Variants in RAI2 observed in about 807,000 individuals in gnomAD.
RAI2 encodes the protein retinoic acid-induced protein 2.
RAI2 carries 5 observed loss-of-function variants against 15.3 expected under a neutral mutation model. That is an observed-to-expected ratio of 0.33 (90% CI 0.17 to 0.69). RAI2 has a LOEUF of 0.69. RAI2 is among the 30% of genes least tolerant of loss of function. RAI2 has a pLI of 0.69. For missense variants in RAI2, 424 were observed against 424.7 expected (o/e 1.00, Z 0.01); for synonymous variants, 191 against 184.0 (o/e 1.04, Z -0.31).
chrX:17,800,917 G>A lies in RAI2; in HGVS notation c.1094C>T (p.Ala365Val), dbSNP rs1213799899. The A allele has an allele frequency of 8.3e-7, 1 of 1,208,953 alleles. No homozygotes were observed. The highest frequency in any genetic ancestry group is 1.1e-6 in the Non-Finnish European group (1 of 894,781). Residue 365 changes from alanine (A) to valine (V), a missense_variant, in exon 2 of 2, where the codon GCA becomes GTA. Physicochemically the swap from Ala to Val is moderately conservative, Grantham distance 64. Transcript: ENST00000451717. ...TGTGTGACCTGAGCTGTCCACTGAT[G>A]CACCACTGTCATACAGTGTCTCAGG... The part of the protein sequence containing the change: ...PPPETLYDSG[A>V]SVDSSGHTVM...
At chrX:17,844,264 T>C (rs965596348) in intron 1 of RAI2, among the ~76,000 whole-genome samples, 2 of 112,564 alleles carry the variant, frequency 1.8e-5, no homozygotes, top group African/African-American at 3.2e-5. Context: ...TGGAGAAAAA[T>C]GTCCTCGTTG....
At chrX:17,830,212 G>A (rs2067267405) in intron 1 of RAI2, among the ~76,000 whole-genome samples, 1 of 112,432 alleles carries the variant, frequency 8.9e-6, no homozygotes, top group African/African-American at 3.2e-5. Context: ...ATAGTGTCTA[G>A]CAAAGTGGCT....
At chrX:17,831,534 T>C (rs766446990) in intron 1 of RAI2, among the ~76,000 whole-genome samples, 1 of 111,920 alleles carries the variant, frequency 8.9e-6, no homozygotes, top group African/African-American at 3.3e-5. Context: ...TACTGAATTA[T>C]TAACCCCAGA....
chrX:17,827,178 T>C (rs1332839742), intron 1 of RAI2, among the ~76,000 whole-genome samples: 1 of 111,755 alleles, frequency 8.9e-6, no homozygotes, highest in Admixed American at 9.5e-5. Context: ...TAGAAGAGCA[T>C]GGCCAGGGCA....
chrX:17,847,263 C>T (rs2067474867), intron 1 of RAI2, among the ~76,000 whole-genome samples: 2 of 112,325 alleles, frequency 1.8e-5, no homozygotes, highest in Admixed American at 1.9e-4. Flanking sequence ...TACTTCGGTT[C>T]TTCCTTGCCT....
chrX:17,829,302 T>C (rs1434336783), intron 1 of RAI2, among the ~76,000 whole-genome samples: 1 of 89,273 alleles, frequency 1.1e-5, no homozygotes, highest in Non-Finnish European at 2.2e-5. Context: ...AAAAAAAAGG[T>C]CTGTAATGGT....
intron 1 of RAI2, among the ~76,000 whole-genome samples, chrX:17,847,057 T>C (rs938821592): frequency 8.9e-6 from 1 of 111,924 alleles, no homozygotes; most frequent in African/African-American, 3.3e-5. Flanking sequence ...TCCACCATGA[T>C]TGTGAGGCCT....
intron 1 of RAI2, among the ~76,000 whole-genome samples, chrX:17,814,437 A>C (rs1297789725): frequency 9.3e-6 from 1 of 107,335 alleles, no homozygotes; most frequent in African/African-American, 3.4e-5. Flanking sequence ...CAGTCTGGGC[A>C]GGAAATGGCA....
chrX:17,800,675 C>A lies in RAI2; in HGVS notation c.1336G>T (p.Ala446Ser). 1 of 1,211,406 alleles carries A rather than the reference C, an allele frequency of 8.3e-7. No homozygotes were observed. The highest frequency in any genetic ancestry group is 3.0e-5 in the East Asian group (1 of 33,833). The change falls in exon 2 of 2, where the codon GCT becomes TCT. Residue 446 changes from alanine to serine, a missense_variant. Physicochemically the swap from Ala to Ser is moderately conservative, Grantham distance 99 (BLOSUM62 1). Coordinates refer to ENST00000451717, the MANE Select transcript of RAI2 (RefSeq NM_021785.6). ...TTGCCACAGAATATGGTAGGCACAG[C>A]ATCTTCGACAGAGACAATGACCTTG... ...AAKVIVSVED[A>S]VPTIFCGKIK...
intron 1 of RAI2, among the ~76,000 whole-genome samples, chrX:17,812,136 C>T (rs749303360): frequency 1.8e-5 from 2 of 111,884 alleles, no homozygotes; most frequent in East Asian, 2.8e-4. Context: ...CCATCATTCT[C>T]ATTGTCAGTG....
chrX:17,800,380 C>T lies in RAI2; in HGVS notation c.*38G>A. The T allele has an allele frequency of 3.5e-6, 4 of 1,136,806 alleles. 1 individual carries two copies. Among genetic ancestry groups the T allele is most frequent in the South Asian group, 4.3e-5 (2 of 46,864 alleles). The allele number at this position is 1,136,806 out of a possible 1,213,427, so 93.7% of individuals were successfully genotyped here. A position where few individuals can be genotyped will look rare whatever the true frequency, so the allele number is the denominator to read the frequency against. ...TTTTTATAAAACCAATGCACCTTTC[C>T]CCATATTATAATCATACAAATTTTA... On this transcript the variant is annotated 3_prime_UTR_variant, in exon 2 of 2. Coordinates refer to ENST00000451717, the MANE Select transcript of RAI2 (RefSeq NM_021785.6).
chrX:17,841,930 A>C (rs940640880), intron 1 of RAI2, among the ~76,000 whole-genome samples: 2 of 112,543 alleles, frequency 1.8e-5, no homozygotes, highest in Non-Finnish European at 3.8e-5. Context: ...AACGACTGGA[A>C]ATGTGAAGAG....
Position 17,820,271 on chromosome X carries a change from C to T in RAI2, c.-24-18237G>A, listed in dbSNP as rs182170887. On this transcript the variant is annotated intron_variant, in intron 1 of 1. Coordinates refer to ENST00000451717, the MANE Select transcript of RAI2 (RefSeq NM_021785.6). Reference sequence around the variant, plus strand: ...GATAGCAGGCTTTGAGCCAAAACCACTTTCCAAGAAATGCCAATGTTTTTG... The same window carrying T: ...GATAGCAGGCTTTGAGCCAAAACCATTTTCCAAGAAATGCCAATGTTTTTG... Among the ~76,000 whole-genome samples the T allele has an allele frequency of 2.8e-4, 31 of 112,604 alleles. No homozygotes were observed. In the East Asian group the frequency reaches 8.7e-3, roughly 32 times the overall value.
intron 1 of RAI2, among the ~76,000 whole-genome samples, chrX:17,823,046 G>A (rs754449277): frequency 8.9e-6 from 1 of 112,350 alleles, no homozygotes; most frequent in South Asian, 3.7e-4. Context: ...CTTCCGACTT[G>A]TAAAGAAGAG....
rs777016953 is a variant in RAI2, at chrX:17,800,657, A to G, written c.1354T>C (p.Cys452Arg). 57 of 1,209,644 alleles carry G rather than the reference A, an allele frequency of 4.7e-5. No homozygotes were observed. Among genetic ancestry groups the G allele is most frequent in the Non-Finnish European group, 6.1e-5 (55 of 895,060 alleles). The change falls in exon 2 of 2, where the codon TGT becomes CGT. Residue 452 changes from cysteine to arginine, a missense_variant. By Grantham distance (180) the Cys-to-Arg change is radical. Transcript: ENST00000451717. ...SVEDAVPTIF[C>R]GKIKGLSGVS... The stretch of plus-strand genomic sequence containing the variant: ...CCTGAGAGGCCTTTGATCTTGCCAC[A>G]GAATATGGTAGGCACAGCATCTTCG...
chrX:17,832,107 C>A (rs1424441207), intron 1 of RAI2, among the ~76,000 whole-genome samples: 2 of 112,139 alleles, frequency 1.8e-5, no homozygotes, highest in Non-Finnish European at 3.8e-5. Flanking sequence ...CCAATCTATC[C>A]CCCAAACCTT....
At chrX:17,825,218 G>A (rs920978556) in intron 1 of RAI2, among the ~76,000 whole-genome samples, 9 of 112,843 alleles carry the variant, frequency 8.0e-5, no homozygotes, top group South Asian at 3.6e-4. Flanking sequence ...AAAATGCTGC[G>A]GGAGACCGCA....
At chrX:17,838,146 C>T (rs1185672764) in intron 1 of RAI2, among the ~76,000 whole-genome samples, 1 of 112,168 alleles carries the variant, frequency 8.9e-6, no homozygotes, top group African/African-American at 3.2e-5. Flanking sequence ...CTACCGATAC[C>T]GAAGTAAGAA....
chrX:17,814,682 G>A (rs937324148), intron 1 of RAI2, among the ~76,000 whole-genome samples: 5 of 110,032 alleles, frequency 4.5e-5, no homozygotes, highest in East Asian at 2.8e-4. Context: ...AGACACACGA[G>A]GGGGCCAGAG....
Sources: allele counts gnomAD v4.1 joint callset (sites outside exome capture counted in the v4.1 genomes callset), GRCh38; gene constraint gnomAD v4.1.1; transcripts MANE v1.5; gene names NCBI Gene and HGNC (gene_info 2026-07-23, HGNC 2026-07-21).